The following DOCK8 variants were observed in gnomAD, a reference collection of about 807,000 sequenced individuals.
DOCK8 encodes the protein dedicator of cytokinesis protein 8.
A neutral mutation model predicts 245.6 loss-of-function variants in DOCK8; 141 were observed. That is an observed-to-expected ratio of 0.57 (90% CI 0.50 to 0.66). The LOEUF (loss-of-function observed/expected upper bound fraction) is 0.66, where lower values mean the gene tolerates loss of function less well. Among genes scored for constraint, DOCK8 ranks in the 30% least tolerant of loss-of-function variants. The pLI is 0.00. For synonymous variants in DOCK8, 1,168 were observed against 970.2 expected (o/e 1.20, Z -3.79); for missense variants, 2,965 against 2,603.4 (o/e 1.14, Z -3.02).
intron 8 of DOCK8, 121 bp downstream of exon 8, chr9:325,858 A>T (rs1469423715): frequency 5.4e-6 from 5 of 934,240 alleles, no homozygotes; most frequent in Non-Finnish European, 8.7e-6. Context: ...ATGATCTTTG[A>T]TGAGTCCAGT....
At chr9:265,710 G>A (rs1563852897) in intron 1 of DOCK8, among the ~76,000 whole-genome samples, 1 of 152,118 alleles carries the variant, frequency 6.6e-6, no homozygotes, top group Non-Finnish European at 1.5e-5. Flanking sequence ...AGGGTCAAAA[G>A]CCAGGGAGAA....
intron 2 of DOCK8, among the ~76,000 whole-genome samples, chr9:283,000 G>C (rs141901730): frequency 6.6e-6 from 1 of 152,126 alleles, no homozygotes; most frequent in East Asian, 1.9e-4. Flanking sequence ...AGAGTGGAAC[G>C]TGTGGGTCCT....
rs1813995874 is a variant in DOCK8, at chr9:304,502, A to G, written c.405-79A>G. On this transcript the variant is annotated intron_variant, in intron 4 of 47. Transcript: ENST00000432829. Reference sequence around the variant, plus strand: ...TCAGCACCATGTCTACACTTAAGCCATTACTTTTATTTTTAATCTAATGGT... The same window carrying G: ...TCAGCACCATGTCTACACTTAAGCCGTTACTTTTATTTTTAATCTAATGGT... The G allele has an allele frequency of 5.0e-6, 8 of 1,585,016 alleles. No individual in the cohort carries two copies. The African/African-American group carries it at 8.1e-5, about 16-fold the overall frequency.
chr9:214,918 G>C lies in DOCK8; in HGVS notation c.-59G>C. 1 of 1,603,906 alleles carries C rather than the reference G, an allele frequency of 6.2e-7. No homozygotes were observed. Among genetic ancestry groups the C allele is most frequent in the Non-Finnish European group, 8.5e-7 (1 of 1,176,996 alleles). On this transcript the variant is annotated 5_prime_UTR_variant, in exon 1 of 48. Coordinates refer to ENST00000432829, the MANE Select transcript of DOCK8 (RefSeq NM_203447.4). The stretch of plus-strand genomic sequence containing the variant: ...ATGTTCCGCGGCTACTCTGCGGCGC[G>C]CCAGGCCCCCGCTTTCCGCACCCCG...
chr9:238,102 G>A (rs375866097), intron 1 of DOCK8, among the ~76,000 whole-genome samples: 1 of 152,024 alleles, frequency 6.6e-6, no homozygotes, highest in Non-Finnish European at 1.5e-5. Context: ...TCTAATCATT[G>A]AATAATCTGT....
chr9:291,787 G>A (rs1226061567), intron 4 of DOCK8, among the ~76,000 whole-genome samples: 1 of 151,300 alleles, frequency 6.6e-6, no homozygotes, highest in Non-Finnish European at 1.5e-5. Context: ...ATTATGCCGG[G>A]CGCAGTGGCT....
At chr9:289,172 T>G (rs764155578) in intron 3 of DOCK8, among the ~76,000 whole-genome samples, 27 of 152,332 alleles carry the variant, frequency 1.8e-4, no homozygotes, top group Non-Finnish European at 3.2e-4. Flanking sequence ...CTGTCAGAGA[T>G]AGGTATTTAT....
At chr9:443,000 T>G (rs1357133366) in intron 42 of DOCK8, among the ~76,000 whole-genome samples, 1 of 152,204 alleles carries the variant, frequency 6.6e-6, no homozygotes, top group Non-Finnish European at 1.5e-5. Context: ...GAGCTAGCAA[T>G]TGACCCCAGT....
At chr9:245,096 G>A (rs1386462332) in intron 1 of DOCK8, among the ~76,000 whole-genome samples, 1 of 152,118 alleles carries the variant, frequency 6.6e-6, no homozygotes, top group Admixed American at 6.5e-5. Flanking sequence ...TCAGGTCCCA[G>A]GCCCCTAAGG....
intron 46 of DOCK8, among the ~76,000 whole-genome samples, chr9:462,741 C>G (rs1255069864): frequency 6.6e-6 from 1 of 152,228 alleles, no homozygotes; most frequent in Admixed American, 6.5e-5. Context: ...GCTGTGCTTT[C>G]CTAGCACTTC....
chr9:435,512 A>G (rs535528206), intron 39 of DOCK8, among the ~76,000 whole-genome samples: 14 of 152,212 alleles, frequency 9.2e-5, no homozygotes, highest in Non-Finnish European at 2.1e-4. Flanking sequence ...GACACAGTAT[A>G]CTGACATTGT....
At chr9:459,075 T>C (rs77331055) in intron 46 of DOCK8, among the ~76,000 whole-genome samples, 8,609 of 152,238 alleles carry the variant, frequency 0.057, 335 homozygotes, top group South Asian at 0.2. Flanking sequence ...AAAGGGAGCA[T>C]CAGAGGATGT....
At chr9:410,019 C>T (rs930044118) in intron 28 of DOCK8, among the ~76,000 whole-genome samples, 1 of 152,146 alleles carries the variant, frequency 6.6e-6, no homozygotes, top group African/African-American at 2.4e-5. Flanking sequence ...ATAAATCATG[C>T]TGCTATAAAG....
chr9:430,669 C>CAA (rs60963121), intron 36 of DOCK8, among the ~76,000 whole-genome samples: 1,412 of 137,138 alleles, frequency 0.01, 21 homozygotes, highest in African/African-American at 0.035. Context: ...GACCCTGTCT[C>CAA]AAAAAAAAAA....
In DOCK8 at chr9:425,077, A is replaced by G. The variant is rs1008220757; in HGVS notation, c.4242-1808A>G. ...TGCTTACATGGAGACAGTATTTTTT[A>G]TCTTTTAGGATAAACAAAATATATT... On this transcript the variant is annotated intron_variant, in intron 33 of 47. Coordinates refer to ENST00000432829, the MANE Select transcript of DOCK8 (RefSeq NM_203447.4). 2.0e-5 allele frequency among the ~76,000 whole-genome samples: 3 copies of G among 152,234 alleles called. No homozygotes were observed. The South Asian group carries it at 6.2e-4, about 31-fold the overall frequency.
chr9:273,046 G>A (rs989712505), intron 2 of DOCK8: 3 of 985,150 alleles, frequency 3.0e-6, no homozygotes, highest in African/African-American at 1.7e-5. Flanking sequence ...TCCGGTAACC[G>A]CCATTTTGTC....
intron 1 of DOCK8, among the ~76,000 whole-genome samples, chr9:221,915 G>C (rs1354027898): frequency 1.3e-5 from 2 of 151,936 alleles, no homozygotes; most frequent in South Asian, 4.2e-4. Flanking sequence ...CTGTTGATTA[G>C]ATGTAAAATG....
chr9:239,603 A>T (rs999302049), intron 1 of DOCK8, among the ~76,000 whole-genome samples: 1 of 152,204 alleles, frequency 6.6e-6, no homozygotes, highest in African/African-American at 2.4e-5. Flanking sequence ...TCTTTTCAAA[A>T]ATGAAGAATA....
At chr9:430,583 G>A (rs899097778) in intron 36 of DOCK8, among the ~76,000 whole-genome samples, 2 of 151,738 alleles carry the variant, frequency 1.3e-5, no homozygotes, top group African/African-American at 4.8e-5. Context: ...TGGGGAGGCT[G>A]AGGCACGAGA....
Sources: allele counts gnomAD v4.1 joint callset (sites outside exome capture counted in the v4.1 genomes callset), GRCh38; gene constraint gnomAD v4.1.1; transcripts MANE v1.5; gene names NCBI Gene and HGNC (gene_info 2026-07-23, HGNC 2026-07-21).